FER: variants seen among roughly 807,000 people sequenced by gnomAD.
FER encodes the protein tyrosine-protein kinase Fer.
FER carries 63 observed loss-of-function variants against 111.0 expected under a neutral mutation model. The ratio of observed to expected loss-of-function variants is 0.57; its 90% CI spans 0.46 to 0.70. FER has a LOEUF of 0.70. Among genes scored for constraint, FER ranks in the 30% least tolerant of loss-of-function variants. The probability of loss-of-function intolerance (pLI) is 0.00; values close to 1 mark genes in which losing one functional copy is unlikely to be tolerated. For missense variants in FER, 914 were observed against 954.0 expected (o/e 0.96, Z 0.55); for synonymous variants, 327 against 313.9 (o/e 1.04, Z -0.44).
rs73207559 is a variant in FER, at chr5:108,879,572, A to G, written c.924-3824A>G. Reference sequence around the variant, plus strand: ...CATTTGTTATGTCATCTATACATGAACTGTAATTACTCAAATGTTTTTCTC... The same window carrying G: ...CATTTGTTATGTCATCTATACATGAGCTGTAATTACTCAAATGTTTTTCTC... On this transcript the variant is annotated intron_variant, in intron 8 of 19. Coordinates refer to ENST00000281092, the MANE Select transcript of FER (RefSeq NM_005246.4). 4.5e-3 allele frequency among the ~76,000 whole-genome samples: 686 copies of G among 151,468 alleles called. 8 individuals carry two copies. Among genetic ancestry groups the G allele is most frequent in the African/African-American group, 0.016 (651 of 41,308 alleles).
At chr5:108,991,863 CTT>C (rs78556057) in intron 13 of FER, among the ~76,000 whole-genome samples, 9,224 of 146,052 alleles carry the variant, frequency 0.063, 443 homozygotes, top group South Asian at 0.17. Context: ...TTTGTATTTT[CTT>C]TTTTTTTTTT....
intron 18 of FER, among the ~76,000 whole-genome samples, chr5:109,181,484 G>A (rs1237639909): frequency 2.6e-5 from 4 of 151,944 alleles, no homozygotes; most frequent in Non-Finnish European, 4.4e-5. Context: ...GATGAAATGG[G>A]CCATTACAAG....
intron 3 of FER, among the ~76,000 whole-genome samples, chr5:108,828,417 A>G (rs913655825): frequency 6.6e-6 from 1 of 152,064 alleles, no homozygotes; most frequent in Non-Finnish European, 1.5e-5. Context: ...AGGTACTAAC[A>G]CTTCTTTCCG....
At chr5:108,961,144 A>G (rs1246765101) in intron 13 of FER, among the ~76,000 whole-genome samples, 3 of 152,206 alleles carry the variant, frequency 2.0e-5, no homozygotes, top group Non-Finnish European at 2.9e-5. Flanking sequence ...CATCAATTCC[A>G]GTATATATCA....
chr5:109,018,457 A>G (rs897076336), intron 13 of FER, among the ~76,000 whole-genome samples: 2 of 151,752 alleles, frequency 1.3e-5, no homozygotes, highest in Non-Finnish European at 1.5e-5. Context: ...TTACACCCTT[A>G]TTTTCATTTT....
chr5:109,051,847 T>A (rs1772878080), intron 16 of FER: 1 of 1,593,156 alleles, frequency 6.3e-7, no homozygotes. Flanking sequence ...GATGGTTTTC[T>A]CCATGGGGCA....
At chr5:109,067,125 G>A (rs1262031586) in intron 16 of FER, among the ~76,000 whole-genome samples, 1 of 152,170 alleles carries the variant, frequency 6.6e-6, no homozygotes, top group East Asian at 1.9e-4. Flanking sequence ...GCCTTAGAGA[G>A]ACTGACATAA....
At chr5:109,058,422 A>G (rs1439166991) in intron 16 of FER, among the ~76,000 whole-genome samples, 1 of 152,072 alleles carries the variant, frequency 6.6e-6, no homozygotes, top group Non-Finnish European at 1.5e-5. Context: ...CTTTGCTCCC[A>G]TATTTATTTG....
chr5:108,835,398 T>C (rs920622094), intron 4 of FER, among the ~76,000 whole-genome samples: 9 of 152,142 alleles, frequency 5.9e-5, no homozygotes, highest in Non-Finnish European at 1.3e-4. Flanking sequence ...TTGGCCAGGC[T>C]GGTCATGAAT....
chr5:108,781,843 G>A (rs986563854), intron 2 of FER, among the ~76,000 whole-genome samples: 1 of 152,040 alleles, frequency 6.6e-6, no homozygotes, highest in Non-Finnish European at 1.5e-5. Flanking sequence ...CTGAAGGAAA[G>A]ACCTTATTAA....
intron 2 of FER, 81 bp from the exon 3 acceptor site, chr5:108,798,043 A>C: frequency 1.8e-6 from 1 of 552,786 alleles, no homozygotes; most frequent in South Asian, 3.0e-5. Context: ...ACCCCAAAGA[A>C]GAATCTATCA....
chr5:108,976,155 G>GA (rs1298924651), intron 13 of FER, among the ~76,000 whole-genome samples: 2 of 152,108 alleles, frequency 1.3e-5, no homozygotes, highest in Non-Finnish European at 2.9e-5. Flanking sequence ...GGCAGAAGAG[G>GA]AGGCTCCATT....
chr5:109,020,777 C>T (rs1280141143), intron 13 of FER, among the ~76,000 whole-genome samples: 2 of 152,154 alleles, frequency 1.3e-5, no homozygotes, highest in East Asian at 3.9e-4. Flanking sequence ...AATTGGTTTT[C>T]AGCCACCTTG....
chr5:108,977,104 C>T (rs959386097), intron 13 of FER, among the ~76,000 whole-genome samples: 1 of 152,154 alleles, frequency 6.6e-6, no homozygotes, highest in Non-Finnish European at 1.5e-5. Flanking sequence ...ATATTTGCAA[C>T]ACTTGAGCTC....
chr5:108,776,108 G>C (rs1040489157), intron 2 of FER, among the ~76,000 whole-genome samples: 1 of 152,040 alleles, frequency 6.6e-6, no homozygotes, highest in African/African-American at 2.4e-5. Flanking sequence ...AATATAACTT[G>C]AACCATAAAC....
At chr5:108,749,882 T>C (rs755172565) in intron 1 of FER, among the ~76,000 whole-genome samples, 2 of 152,178 alleles carry the variant, frequency 1.3e-5, no homozygotes, top group African/African-American at 4.8e-5. Context: ...TTAAACAAAT[T>C]GAGGATTGTA....
intron 13 of FER, among the ~76,000 whole-genome samples, chr5:108,966,259 TA>T (rs1759800735): frequency 6.6e-6 from 1 of 152,160 alleles, no homozygotes. Context: ...TAAGGTCTAT[TA>T]AAAGAATAAG....
rs185442935 is a variant in FER at position 109,123,372 on chromosome 5, G to A, written c.2048+22853G>A. ...AGGGTTTCACCGTGTTAGCCGGGAT[G>A]GTCTCGATCTCCTGGCCTCATGATC... On this transcript the variant is annotated intron_variant, in intron 17 of 19. Coordinates refer to ENST00000281092, the MANE Select transcript of FER (RefSeq NM_005246.4). 2.6e-3 allele frequency among the ~76,000 whole-genome samples: 394 copies of A among 151,882 alleles called. 2 individuals carry two copies. Among genetic ancestry groups the A allele is most frequent in the African/African-American group, 8.5e-3 (352 of 41,444 alleles).
intron 5 of FER, among the ~76,000 whole-genome samples, chr5:108,851,327 A>G (rs937054134): frequency 1.3e-5 from 2 of 152,322 alleles, no homozygotes; most frequent in East Asian, 3.9e-4. Flanking sequence ...TTATAAAGCC[A>G]TCAGTCTCAT....
Sources: gnomAD v4.1 joint callset for allele counts (sites outside exome capture counted in the v4.1 genomes callset) on GRCh38, gnomAD v4.1.1 for gene constraint, MANE v1.5 for transcripts, NCBI Gene and HGNC (gene_info 2026-07-23, HGNC 2026-07-21) for gene names.